Variants in MAML3 observed in about 807,000 individuals in gnomAD.
MAML3 encodes the protein mastermind-like protein 3.
Under a neutral mutation model 101.9 loss-of-function variants are expected in MAML3, and 27 were observed. The ratio of observed to expected loss-of-function variants is 0.27; its 90% CI spans 0.20 to 0.37. The LOEUF (loss-of-function observed/expected upper bound fraction) is 0.37, where lower values mean the gene tolerates loss of function less well. MAML3 is among the 10% of genes least tolerant of loss of function. The pLI is 1.00. For synonymous variants in MAML3, 501 were observed against 555.9 expected (o/e 0.90, Z 1.39); for missense variants, 1,316 against 1,444.9 (o/e 0.91, Z 1.45).
Position 140,153,331 on chromosome 4 carries a change from G to A in MAML3, c.-4C>T. 6.3e-7 allele frequency: 1 copy of A among 1,575,362 alleles called. No individual in the cohort carries two copies. On this transcript the variant is annotated 5_prime_UTR_variant, in exon 1 of 5. Coordinates refer to ENST00000509479, the MANE Select transcript of MAML3 (RefSeq NM_018717.5). ...CGGGGGCTGCGAAATCCCCCATCCT[G>A]CTCCCCGGGCACACTATTTTGGAAG...
chr4:140,052,717 TAG>T (rs1488326615), intron 1 of MAML3, among the ~76,000 whole-genome samples: 2 of 152,010 alleles, frequency 1.3e-5, no homozygotes, highest in Non-Finnish European at 2.9e-5. Flanking sequence ...GTATTTTTAG[TAG>T]AGACAGAGTT....
intron 1 of MAML3, among the ~76,000 whole-genome samples, chr4:139,916,623 C>T (rs918017712): frequency 6.6e-6 from 1 of 152,224 alleles, no homozygotes; most frequent in African/African-American, 2.4e-5. Flanking sequence ...TCGAGAGGGC[C>T]ACCAACCATG....
intron 1 of MAML3, chr4:140,134,086 G>A (rs969540070): frequency 6.6e-6 from 3 of 456,454 alleles, no homozygotes; most frequent in Non-Finnish European, 1.3e-5. Flanking sequence ...TCCAGGACTG[G>A]CTATCTATGA....
intron 2 of MAML3, among the ~76,000 whole-genome samples, chr4:139,805,796 G>C (rs1730690768): frequency 6.6e-6 from 1 of 152,114 alleles, no homozygotes; most frequent in Non-Finnish European, 1.5e-5. Context: ...AGCTAAAGAA[G>C]GCAATATGAG....
At chr4:139,740,552 G>C (rs1729130925) in intron 2 of MAML3, 1 of 152,078 alleles carries the variant, frequency 6.6e-6, no homozygotes, top group African/African-American at 2.4e-5. Context: ...TCCCCCTCCT[G>C]AGCTACTGTT....
intron 2 of MAML3, among the ~76,000 whole-genome samples, chr4:139,859,226 C>CT (rs1731720810): frequency 2.2e-5 from 3 of 134,760 alleles, no homozygotes; most frequent in African/African-American, 2.8e-5. Context: ...GGTTCTACTA[C>CT]ATTTTTTTTT....
chr4:140,087,878 T>C (rs1433940980), intron 1 of MAML3, among the ~76,000 whole-genome samples: 3 of 152,170 alleles, frequency 2.0e-5, no homozygotes, highest in Non-Finnish European at 2.9e-5. Flanking sequence ...AAAAACAGAA[T>C]TCTCTACTTC....
chr4:139,943,869 T>TTTTTTTTTTTTTG (rs1733654167), intron 1 of MAML3, among the ~76,000 whole-genome samples: 1 of 124,418 alleles, frequency 8.0e-6, no homozygotes, highest in Non-Finnish European at 1.6e-5. Context: ...GACAACTTTT[T>TTTTTTTTTTTTTG]TTTTTTTTTT....
chr4:139,974,554 GA>G (rs1366006227), intron 1 of MAML3, among the ~76,000 whole-genome samples: 1 of 152,114 alleles, frequency 6.6e-6, no homozygotes, highest in Admixed American at 6.6e-5. Context: ...ACAGCTAGTT[GA>G]GCGAATTTGG....
intron 1 of MAML3, among the ~76,000 whole-genome samples, chr4:139,918,414 C>A (rs758271898): frequency 2.0e-5 from 3 of 152,184 alleles, no homozygotes; most frequent in Non-Finnish European, 2.9e-5. Flanking sequence ...CTTCTCTCCA[C>A]GTGGAACACG....
intron 2 of MAML3, among the ~76,000 whole-genome samples, chr4:139,840,034 G>A (rs909470676): frequency 3.3e-5 from 5 of 152,160 alleles, no homozygotes; most frequent in African/African-American, 4.8e-5. Flanking sequence ...ATAGAAAAAC[G>A]TCTTCTGTAT....
intron 2 of MAML3, among the ~76,000 whole-genome samples, chr4:139,831,361 A>G (rs944648225): frequency 1.2e-4 from 18 of 152,218 alleles, no homozygotes; most frequent in Admixed American, 1.2e-3. Context: ...ATCTTAAAAT[A>G]AAAAAATCTA....
rs1286623743 is a variant in MAML3 at position 139,785,246 on chromosome 4, C to T, written c.2080-54579G>A. ...GCTTCTGGGTCCTCCCACACGGTGC[C>T]GGATCCTGATACCAAGACCGAGGAC... On this transcript the variant is annotated intron_variant, in intron 2 of 4. Coordinates refer to ENST00000509479, the MANE Select transcript of MAML3 (RefSeq NM_018717.5). This position sits in a 1 kb window ranked among gnomAD's most constrained non-coding sequence, Gnocchi z 4.3. Among the ~76,000 whole-genome samples, 3 of 152,158 alleles carry T rather than the reference C, an allele frequency of 2.0e-5. No homozygotes were observed. Among genetic ancestry groups the T allele is most frequent in the Admixed American group, 6.5e-5 (1 of 15,286 alleles).
rs1439053544 is a variant in MAML3 at position 139,725,775 on chromosome 4, C to T, written c.2392G>A (p.Val798Met). The T allele has an allele frequency of 3.1e-6, 5 of 1,613,844 alleles. No individual in the cohort carries two copies. Among genetic ancestry groups the T allele is most frequent in the Non-Finnish European group, 4.2e-6 (5 of 1,179,894 alleles). The part of the protein sequence containing the change: ...HLQPQRNPYP[V>M]QQVNQFQGSP... ...CCTTGAAACTGATTGACCTGCTGCA[C>T]TGGGTATGGATTCCGCTGTGGCTGG... is the stretch of plus-strand genomic sequence containing the variant. The change falls in exon 4 of 5, where the codon GTG becomes ATG. Residue 798 changes from valine to methionine, a missense_variant. By Grantham distance (21) the Val-to-Met change is conservative. Coordinates refer to ENST00000509479, the MANE Select transcript of MAML3 (RefSeq NM_018717.5).
At chr4:139,968,956 A>G (rs562777875) in intron 1 of MAML3, among the ~76,000 whole-genome samples, 1 of 152,124 alleles carries the variant, frequency 6.6e-6, no homozygotes, top group Non-Finnish European at 1.5e-5. Context: ...GGAAGCACTC[A>G]AGTGACTATA....
chr4:139,837,877 G>A (rs533226323), intron 2 of MAML3, among the ~76,000 whole-genome samples: 54 of 152,146 alleles, frequency 3.5e-4, no homozygotes, highest in Non-Finnish European at 6.0e-4. Flanking sequence ...CCGAGATCAC[G>A]CCACTGCACT....
At chr4:139,851,108 C>T in intron 2 of MAML3, among the ~76,000 whole-genome samples, 1 of 152,190 alleles carries the variant, frequency 6.6e-6, no homozygotes. Context: ...CAAATACTGT[C>T]CCTCCAGGCT....
intron 1 of MAML3, among the ~76,000 whole-genome samples, chr4:140,136,007 G>A (rs1475847793): frequency 6.6e-6 from 1 of 152,166 alleles, no homozygotes; most frequent in East Asian, 1.9e-4. Flanking sequence ...AAAGACTTAA[G>A]AATGGGGTGG....
At position 140,088,709 on chromosome 4, in the gene MAML3, T is replaced by C. The variant is rs77029280; in HGVS notation, c.468+64151A>G. ...CATTGCCAGGAGCTCTTCACTGGTA[T>C]CTCCTTTGGTATTTAAAAGCTTCTT... On this transcript the variant is annotated intron_variant, in intron 1 of 4. Coordinates refer to ENST00000509479, the MANE Select transcript of MAML3 (RefSeq NM_018717.5). Among the ~76,000 whole-genome samples the C allele has an allele frequency of 6.7e-3, 1,013 of 152,220 alleles. 9 individuals carry two copies. Among genetic ancestry groups the C allele is most frequent in the Non-Finnish European group, 8.5e-3 (577 of 68,010 alleles).
Sources: gnomAD v4.1 joint callset for allele counts (sites outside exome capture counted in the v4.1 genomes callset) on GRCh38, gnomAD v4.1.1 for gene constraint, Gnocchi (gnomAD v3.1) non-coding constraint, MANE v1.5 for transcripts, NCBI Gene and HGNC (gene_info 2026-07-23, HGNC 2026-07-21) for gene names.